Variants in GALNT13 observed in about 807,000 individuals in gnomAD.
GALNT13 encodes polypeptide N-acetylgalactosaminyltransferase 13.
A neutral mutation model predicts 64.2 loss-of-function variants in GALNT13; 28 were observed. The observed-to-expected ratio is 0.44, with a 90% confidence interval of 0.32 to 0.60. The LOEUF (loss-of-function observed/expected upper bound fraction) is 0.60, where lower values mean the gene tolerates loss of function less well. Ranked by LOEUF, GALNT13 falls within the 20% of genes least tolerant of loss-of-function variation. The pLI, the probability that GALNT13 is intolerant of heterozygous loss-of-function variation, is 0.05. For missense variants in GALNT13, 577 were observed against 669.8 expected (o/e 0.86, Z 1.53); for synonymous variants, 214 against 224.6 (o/e 0.95, Z 0.42).
the GALNT13 span, among the ~76,000 whole-genome samples, chr2:153,258,190 A>C: frequency 6.6e-6 from 1 of 152,238 alleles, no homozygotes; most frequent in Admixed American, 6.5e-5. Flanking sequence ...GGCTTTATGC[A>C]AATAATCAGA....
chr2:153,228,905 C>T, the GALNT13 span, among the ~76,000 whole-genome samples: 4 of 147,928 alleles, frequency 2.7e-5, no homozygotes, highest in African/African-American at 1.0e-4. Context: ...GTAGATACCG[C>T]TTGTAATTGA....
intron 3 of GALNT13, among the ~76,000 whole-genome samples, chr2:154,017,667 G>A (rs889254219): frequency 5.9e-5 from 9 of 152,070 alleles, no homozygotes; most frequent in Non-Finnish European, 1.2e-4. Context: ...AAAGTTATTC[G>A]TATCGCTCTG....
the GALNT13 span, among the ~76,000 whole-genome samples, chr2:153,650,747 C>G: frequency 1.3e-5 from 2 of 152,136 alleles, no homozygotes. Context: ...ATATGAAATT[C>G]TGGGTTAATA....
At chr2:153,163,815 C>G in the GALNT13 span, among the ~76,000 whole-genome samples, 11 of 151,878 alleles carry the variant, frequency 7.2e-5, no homozygotes, top group South Asian at 2.1e-4. Context: ...GTCAGGAGAT[C>G]GAGACCATCC....
intron 4 of GALNT13, among the ~76,000 whole-genome samples, chr2:154,213,043 G>A (rs1224375243): frequency 6.6e-6 from 1 of 152,122 alleles, no homozygotes; most frequent in Non-Finnish European, 1.5e-5. Context: ...AGGAAGAGTG[G>A]CTATATTTGC....
intron 11 of GALNT13, among the ~76,000 whole-genome samples, chr2:154,419,805 AC>A (rs1240518549): frequency 3.3e-5 from 5 of 152,186 alleles, no homozygotes; most frequent in Admixed American, 1.3e-4. Context: ...AGGACACCAG[AC>A]CAAATTGGAG....
At chr2:153,879,986 A>G (rs1332301023) in intron 1 of GALNT13, among the ~76,000 whole-genome samples, 2 of 152,162 alleles carry the variant, frequency 1.3e-5, no homozygotes, top group Non-Finnish European at 2.9e-5. Context: ...AGACAAGAAT[A>G]TTTTTAAAAG....
chr2:153,233,469 T>C, the GALNT13 span, among the ~76,000 whole-genome samples: 1 of 135,148 alleles, frequency 7.4e-6, no homozygotes, highest in Non-Finnish European at 1.6e-5. Context: ...ATTCTCAATA[T>C]AATAATACCT....
chr2:153,766,573 C>T, the GALNT13 span, among the ~76,000 whole-genome samples: 17 of 152,162 alleles, frequency 1.1e-4, no homozygotes, highest in Middle Eastern at 0.01. Flanking sequence ...GCTTATTTTA[C>T]TGGTTAATTT....
the GALNT13 span, among the ~76,000 whole-genome samples, chr2:153,628,285 C>T: frequency 6.6e-6 from 1 of 151,800 alleles, no homozygotes; most frequent in Non-Finnish European, 1.5e-5. Flanking sequence ...ATCATGTCGT[C>T]TGCAAACAGG....
intron 3 of GALNT13, among the ~76,000 whole-genome samples, chr2:154,128,852 A>G (rs1010070469): frequency 2.0e-5 from 3 of 152,160 alleles, no homozygotes; most frequent in African/African-American, 7.2e-5. Flanking sequence ...AAAATATCTG[A>G]TTTAAAAATC....
chr2:154,010,407 T>C (rs1391056677), intron 3 of GALNT13, among the ~76,000 whole-genome samples: 1 of 152,238 alleles, frequency 6.6e-6, no homozygotes, highest in Non-Finnish European at 1.5e-5. Flanking sequence ...AATTTGCCTA[T>C]GTTGAACCAA....
the GALNT13 span, among the ~76,000 whole-genome samples, chr2:153,321,809 A>G: frequency 4.6e-5 from 7 of 152,192 alleles, no homozygotes; most frequent in African/African-American, 1.4e-4. Flanking sequence ...TGGTAGGGAT[A>G]TGAAGTAAAA....
At chr2:153,825,102 TATTGCTGTGA>T in the GALNT13 span, among the ~76,000 whole-genome samples, 2 of 152,218 alleles carry the variant, frequency 1.3e-5, no homozygotes, top group African/African-American at 2.4e-5. Flanking sequence ...CTAATCTAGG[TATTGCTGTGA>T]ATTGCTGTGA....
At chr2:154,399,030 A>G (rs375288273) in intron 10 of GALNT13, among the ~76,000 whole-genome samples, 5 of 152,244 alleles carry the variant, frequency 3.3e-5, no homozygotes, top group African/African-American at 1.2e-4. Flanking sequence ...ATTACGTGCT[A>G]GTCCAACACT....
intron 3 of GALNT13, among the ~76,000 whole-genome samples, chr2:153,984,552 G>T (rs1694669375): frequency 6.6e-6 from 1 of 151,560 alleles, no homozygotes. Context: ...AAGCCAGATT[G>T]TGAGTTATCC....
the GALNT13 span, among the ~76,000 whole-genome samples, chr2:153,274,439 AGAGT>A: frequency 1.3e-5 from 2 of 152,324 alleles, no homozygotes; most frequent in South Asian, 4.1e-4. Context: ...AGAATGGAAC[AGAGT>A]GAGTAACTAC....
At chr2:154,394,636 A>G (rs978256548) in intron 9 of GALNT13, among the ~76,000 whole-genome samples, 2 of 152,230 alleles carry the variant, frequency 1.3e-5, no homozygotes, top group Non-Finnish European at 1.5e-5. Context: ...ATAATGAGAA[A>G]TTCTTCTAGT....
At chr2:153,508,878 C>T in the GALNT13 span, among the ~76,000 whole-genome samples, 1 of 152,184 alleles carries the variant, frequency 6.6e-6, no homozygotes, top group Non-Finnish European at 1.5e-5. Context: ...CTATAAATCT[C>T]CTAAGAACTT....
Sources: allele counts gnomAD v4.1 joint callset (sites outside exome capture counted in the v4.1 genomes callset), GRCh38; gene constraint gnomAD v4.1.1; transcripts MANE v1.5; gene names NCBI Gene and HGNC (gene_info 2026-07-23, HGNC 2026-07-21).